The following BRD10 variants were observed in gnomAD, a reference collection of about 807,000 sequenced individuals.
BRD10 encodes bromodomain containing 10.
chr9:5,960,484 C>T, the BRD10 span, among the ~76,000 whole-genome samples: 1 of 151,614 alleles, frequency 6.6e-6, no homozygotes, highest in Non-Finnish European at 1.5e-5. Flanking sequence ...ATTGCTTGAA[C>T]CCAGGAGGTG....
At chr9:6,007,402 A>C in the BRD10 span, 1 of 1,609,342 alleles carries the variant, frequency 6.2e-7, no homozygotes, top group Non-Finnish European at 8.5e-7. Context: ...CTGCTGCGGG[A>C]AGGCGCGACC....
the BRD10 span, chr9:5,908,525 T>C: frequency 5.5e-6 from 5 of 913,964 alleles, no homozygotes; most frequent in East Asian, 2.5e-5. Flanking sequence ...TGGGAACACT[T>C]AGAAATTTCA....
At chr9:5,913,813 G>C in the BRD10 span, 1 of 220,208 alleles carries the variant, frequency 4.5e-6, no homozygotes, top group Non-Finnish European at 9.2e-6. Context: ...CTATTAAAAA[G>C]AAAATCAAAT....
chr9:5,996,393 A>G, the BRD10 span, among the ~76,000 whole-genome samples: 1 of 152,092 alleles, frequency 6.6e-6, no homozygotes, highest in Non-Finnish European at 1.5e-5. Context: ...ATCTCAGCTC[A>G]CTGCAACCTT....
chr9:5,955,950 T>C, the BRD10 span, among the ~76,000 whole-genome samples: 3 of 152,274 alleles, frequency 2.0e-5, no homozygotes, highest in East Asian at 5.8e-4. Context: ...GCTCATGAAT[T>C]TGAATGCCAA....
the BRD10 span, among the ~76,000 whole-genome samples, chr9:5,992,015 C>T: frequency 6.6e-6 from 1 of 152,196 alleles, no homozygotes; most frequent in Non-Finnish European, 1.5e-5. Flanking sequence ...ACTCATATGG[C>T]TACACTCTAT....
chr9:5,921,335 G>A, the BRD10 span: 7 of 1,613,910 alleles, frequency 4.3e-6, no homozygotes, highest in Non-Finnish European at 5.9e-6. Flanking sequence ...TGTGCCCACT[G>A]TAGACGGAAT....
chr9:5,985,409 A>G, the BRD10 span, among the ~76,000 whole-genome samples: 2 of 152,206 alleles, frequency 1.3e-5, no homozygotes, highest in Admixed American at 1.3e-4. Context: ...AAACTTCTCC[A>G]AAAACACTGA....
At chr9:5,954,027 G>C in the BRD10 span, 4 of 1,560,476 alleles carry the variant, frequency 2.6e-6, no homozygotes, top group African/African-American at 1.4e-5. Context: ...TGAAACTCTG[G>C]TACAGTAGGT....
the BRD10 span, among the ~76,000 whole-genome samples, chr9:5,926,617 C>T: frequency 2.6e-5 from 4 of 152,038 alleles, no homozygotes; most frequent in East Asian, 1.9e-4. Flanking sequence ...CTGCAAGCTC[C>T]GCCTCCTGGG....
the BRD10 span, among the ~76,000 whole-genome samples, chr9:5,910,873 G>T: frequency 2.0e-5 from 3 of 152,184 alleles, no homozygotes; most frequent in African/African-American, 4.8e-5. Flanking sequence ...GTTAAGGATG[G>T]AAGGTCACAT....
At chr9:5,966,322 A>T in the BRD10 span, among the ~76,000 whole-genome samples, 2 of 152,166 alleles carry the variant, frequency 1.3e-5, no homozygotes, top group East Asian at 3.9e-4. Context: ...ATTGCCTTTG[A>T]GCATATGAAC....
chr9:5,953,918 G>C, the BRD10 span: 22 of 716,594 alleles, frequency 3.1e-5, no homozygotes, highest in Middle Eastern at 1.9e-3. Flanking sequence ...ACAAGTAAGT[G>C]TGCTACAGTT....
chr9:5,923,313 A>C, the BRD10 span: 2 of 1,574,964 alleles, frequency 1.3e-6, no homozygotes, highest in Non-Finnish European at 1.7e-6. Flanking sequence ...ATATCATCTG[A>C]AAATTATAAA....
the BRD10 span, among the ~76,000 whole-genome samples, chr9:5,952,578 C>A: frequency 6.6e-6 from 1 of 152,210 alleles, no homozygotes; most frequent in African/African-American, 2.4e-5. Context: ...AAAATGATTT[C>A]ATGCCTCACT....
chr9:5,991,195 T>C, the BRD10 span, among the ~76,000 whole-genome samples: 3 of 151,268 alleles, frequency 2.0e-5, no homozygotes, highest in Middle Eastern at 3.4e-3. Context: ...TATATATATA[T>C]ATATATCATG....
At chr9:5,993,109 A>G in the BRD10 span, among the ~76,000 whole-genome samples, 1 of 152,084 alleles carries the variant, frequency 6.6e-6, no homozygotes, top group Non-Finnish European at 1.5e-5. Flanking sequence ...TGAGGTCAGG[A>G]GTTTGAGACC....
At chr9:6,008,374 A>G in the BRD10 span, 1 of 907,646 alleles carries the variant, frequency 1.1e-6, no homozygotes, top group Non-Finnish European at 1.3e-6. Context: ...GGGGGGAGAA[A>G]GGGGAGGGGC....
At chr9:5,959,623 C>T in the BRD10 span, among the ~76,000 whole-genome samples, 18 of 152,216 alleles carry the variant, frequency 1.2e-4, no homozygotes, top group East Asian at 3.3e-3. Flanking sequence ...AGCTGGTATG[C>T]TAAAAGTTTT....
Sources: gnomAD v4.1 joint callset for allele counts (sites outside exome capture counted in the v4.1 genomes callset) on GRCh38, gnomAD v4.1.1 for gene constraint, MANE v1.5 for transcripts, NCBI Gene and HGNC (gene_info 2026-07-23, HGNC 2026-07-21) for gene names.